ZNF426: variants seen among roughly 807,000 people sequenced by gnomAD.
The protein encoded by ZNF426 is CTC-543D15.7.
ZNF426 carries 23 observed loss-of-function variants against 24.0 expected under a neutral mutation model. The ratio of observed to expected loss-of-function variants is 0.96; its 90% CI spans 0.69 to 1.36. The LOEUF (loss-of-function observed/expected upper bound fraction) is 1.36, where lower values mean the gene tolerates loss of function less well. ZNF426 is among the 40% of genes most tolerant of loss of function. The pLI is 0.00. For missense variants in ZNF426, 646 were observed against 658.4 expected (o/e 0.98, Z 0.21); for synonymous variants, 272 against 224.6 (o/e 1.21, Z -1.89).
At position 9,529,474 on chromosome 19, in the gene ZNF426, A is replaced by G. The variant is rs765962743; in HGVS notation, c.571T>C (p.Ser191Pro). 1.2e-6 allele frequency: 2 copies of G among 1,614,012 alleles called. No individual in the cohort carries two copies. Among genetic ancestry groups the G allele is most frequent in the South Asian group, 2.2e-5 (2 of 91,078 alleles). ...KDFLTLCEKTSTGEKLSEFNQ... is the reference protein window; with the variant it reads ...KDFLTLCEKTPTGEKLSEFNQ... ...AACTCAGAAAGTTTCTCACCAGTAG[A>G]GGTTTTCTCACACAGGGTAAGGAAA... is the stretch of plus-strand genomic sequence containing the variant. The change falls in exon 8 of 8, where the codon TCT becomes CCT. Residue 191 changes from serine (S) to proline (P), a missense_variant. Ser to Pro is a moderately conservative substitution (Grantham distance 74). Transcript: ENST00000253115.
chr19:9,529,403 G>A lies in ZNF426; in HGVS notation c.642C>T (p.Tyr214=), dbSNP rs373788144. 75 of 1,613,730 alleles carry A rather than the reference G, an allele frequency of 4.6e-5. No individual in the cohort carries two copies. The highest frequency in any genetic ancestry group is 6.1e-5 in the Non-Finnish European group (72 of 1,179,964). ...KIFSLTPNIV[Y]QRTSTQEKSF... Reference sequence around the variant, plus strand: ...ACTTTTCTTGTGTGCTAGTTCTCTGGTATACAATATTTGGTGTCAGGCTGA... The same window carrying A: ...ACTTTTCTTGTGTGCTAGTTCTCTGATATACAATATTTGGTGTCAGGCTGA... Residue 214 remains tyrosine, a synonymous_variant, in exon 8 of 8, where the codon TAC becomes TAT. Coordinates refer to ENST00000253115, the MANE Select transcript of ZNF426 (RefSeq NM_024106.3).
intron 6 of ZNF426, among the ~76,000 whole-genome samples, chr19:9,532,119 C>G (rs971695014): frequency 1.3e-5 from 2 of 152,120 alleles, no homozygotes; most frequent in African/African-American, 4.8e-5. Context: ...CTGAGATGAC[C>G]GCTACGTGAC....
Position 9,529,538 on chromosome 19 carries a change from A to G in ZNF426, c.507T>C (p.Ser169=), listed in dbSNP as rs200163454. The G allele has an allele frequency of 1.2e-6, 2 of 1,612,148 alleles. No homozygotes were observed. Among genetic ancestry groups the G allele is most frequent in the Non-Finnish European group, 8.5e-7 (1 of 1,180,018 alleles). Residue 169 remains serine (S), a synonymous_variant, in exon 8 of 8, where the codon AGT becomes AGC. Coordinates refer to ENST00000253115, the MANE Select transcript of ZNF426 (RefSeq NM_024106.3). ...SCLKTHVRTQ[S]TGNTHDCNQY... ...GATTACAGTCATGAGTGTTCCCTGT[A>G]CTTTGAGTTCTCACGTGCGTCTTAA...
rs1002983930 is a variant in ZNF426, at chr19:9,527,174, A to G, written c.*1206T>C. The stretch of plus-strand genomic sequence containing the variant: ...ATGTGAAATATTTAAAGGTTATACC[A>G]TATTCCTTACCTTCCCAGGGTTCTG... On this transcript the variant is annotated 3_prime_UTR_variant, in exon 8 of 8. Coordinates refer to ENST00000253115, the MANE Select transcript of ZNF426 (RefSeq NM_024106.3). 11 of 152,216 alleles carry G rather than the reference A, an allele frequency of 7.2e-5. No individual in the cohort carries two copies. Among genetic ancestry groups the G allele is most frequent in the Admixed American group, 2.0e-4 (3 of 15,282 alleles). 9.4% of individuals were successfully genotyped at this position (152,216 alleles called of 1,614,324 possible).
chr19:9,528,701 G>A lies in ZNF426; in HGVS notation c.1344C>T (p.Tyr448=), dbSNP rs202178043. 195 of 1,613,898 alleles carry A rather than the reference G, an allele frequency of 1.2e-4. 1 individual carries two copies. The South Asian group carries it at 1.3e-3, about 11-fold the overall frequency. The change falls in exon 8 of 8, where the codon TAC becomes TAT. Residue 448 remains tyrosine, a synonymous_variant. Transcript: ENST00000253115. The part of the protein sequence containing the change: ...HMRTHSAQKP[Y]TCKECGKAFN... ...AAGCCTTCCCACATTCCTTACAGGT[G>A]TATGGTTTCTGGGCACTGTGCGTTC...
intron 3 of ZNF426, 57 bp downstream of exon 3, chr19:9,536,151 T>C (rs2073962019): frequency 6.2e-7 from 1 of 1,611,688 alleles, no homozygotes; most frequent in Non-Finnish European, 8.5e-7. Context: ...CACTAGACCC[T>C]ATATTGTGTA....
rs2073765227 is a variant in ZNF426, at chr19:9,523,791, T to G, written c.*4589A>C. ...TGAGAATCTAATGCCACTGCTGATCTGACAGAAAGTTGAGCTCAGGCAGTA... is the reference window on the plus strand; with the variant it reads ...TGAGAATCTAATGCCACTGCTGATCGGACAGAAAGTTGAGCTCAGGCAGTA... On this transcript the variant is annotated 3_prime_UTR_variant, in exon 8 of 8. Coordinates refer to ENST00000253115, the MANE Select transcript of ZNF426 (RefSeq NM_024106.3). The G allele has an allele frequency of 6.6e-6, 1 of 152,308 alleles. No homozygotes were observed. The highest frequency in any genetic ancestry group is 2.1e-4 in the South Asian group (1 of 4,836). The allele number at this position is 152,308 out of a possible 1,614,324, so 9.4% of individuals were successfully genotyped here.
chr19:9,537,451 CTTTTTTT>C (rs199870394), intron 2 of ZNF426, among the ~76,000 whole-genome samples: 65,710 of 137,780 alleles, frequency 0.48, 15,982 homozygotes, highest in Non-Finnish European at 0.56. Flanking sequence ...ATATTTAACT[CTTTTTTT>C]TTTTTTTTTT....
At chr19:9,534,524 A>G (rs1368488968) in intron 4 of ZNF426, among the ~76,000 whole-genome samples, 8 of 152,034 alleles carry the variant, frequency 5.3e-5, no homozygotes, top group Non-Finnish European at 4.4e-5. Context: ...TCTTATTTCC[A>G]TCTATTTGAG....
At chr19:9,536,958 C>T (rs1376755770) in intron 2 of ZNF426, among the ~76,000 whole-genome samples, 1 of 152,026 alleles carries the variant, frequency 6.6e-6, no homozygotes, top group Non-Finnish European at 1.5e-5. Context: ...CACGGTGAAA[C>T]TCCATCTCTA....
In ZNF426 at chr19:9,528,294, C is replaced by G; in HGVS notation, c.*86G>C. On this transcript the variant is annotated 3_prime_UTR_variant, in exon 8 of 8. Transcript: ENST00000253115. ...TTAAGTAATTTTCATGCAGCTTCTT[C>G]TCTCCAGAGTGAGTTCATTCATGTC... is the stretch of plus-strand genomic sequence containing the variant. The G allele has an allele frequency of 1.5e-6, 2 of 1,343,302 alleles. No individual in the cohort carries two copies. The highest frequency in any genetic ancestry group is 2.0e-6 in the Non-Finnish European group (2 of 984,788). The allele number at this position is 1,343,302 out of a possible 1,614,324, so 83.2% of individuals were successfully genotyped here.
In ZNF426 at chr19:9,530,762, C is replaced by T. The variant is rs571166388; in HGVS notation, c.408+223G>A. On this transcript the variant is annotated intron_variant, in intron 7 of 7. Coordinates refer to ENST00000253115, the MANE Select transcript of ZNF426 (RefSeq NM_024106.3). ...TGGGTGACAGAGCAGTATCTCGTTTCAAAAAAACACCAAAACAAAACTCAA... is the reference window on the plus strand; with the variant it reads ...TGGGTGACAGAGCAGTATCTCGTTTTAAAAAAACACCAAAACAAAACTCAA... Among the ~76,000 whole-genome samples, 11 of 151,888 alleles carry T rather than the reference C, an allele frequency of 7.2e-5. No homozygotes were observed. In the East Asian group the frequency reaches 2.1e-3, roughly 30 times the overall value.
chr19:9,527,609 T>C lies in ZNF426; in HGVS notation c.*771A>G, dbSNP rs1054999247. On this transcript the variant is annotated 3_prime_UTR_variant, in exon 8 of 8. Coordinates refer to ENST00000253115, the MANE Select transcript of ZNF426 (RefSeq NM_024106.3). The stretch of plus-strand genomic sequence containing the variant: ...AATGAAGGCTCTCCCACGTCTTACA[T>C]TCATATAGTTTCTCTCCAGTGTGGC... 1.3e-5 allele frequency: 2 copies of C among 152,286 alleles called. No homozygotes were observed. Among genetic ancestry groups the C allele is most frequent in the African/African-American group, 4.8e-5 (2 of 41,470 alleles). 9.4% of individuals were successfully genotyped at this position (152,286 alleles called of 1,614,324 possible).
chr19:9,536,202 G>T lies in ZNF426; in HGVS notation c.25+6C>A, dbSNP rs777669331. ...AGGATATCCTAAAAAGAGCAACAGAGCTTACCATGGGACAAATCAGCAGCT... is the reference window on the plus strand; with the variant it reads ...AGGATATCCTAAAAAGAGCAACAGATCTTACCATGGGACAAATCAGCAGCT... On this transcript the variant is annotated splice_donor_region_variant and intron_variant, in intron 3 of 7. Transcript: ENST00000253115. 3 of 1,614,128 alleles carry T rather than the reference G, an allele frequency of 1.9e-6. No homozygotes were observed.
chr19:9,534,004 C>T, intron 4 of ZNF426, 38 bp from the exon 5 acceptor site: 1 of 1,605,534 alleles, frequency 6.2e-7, no homozygotes, highest in Non-Finnish European at 8.5e-7. Context: ...AGCCAAGTAA[C>T]AAGCCCATCA....
At chr19:9,535,696 T>G (rs918042541) in intron 3 of ZNF426, among the ~76,000 whole-genome samples, 2 of 151,900 alleles carry the variant, frequency 1.3e-5, no homozygotes, top group Non-Finnish European at 2.9e-5. Context: ...CAGCCAGGCA[T>G]GGTGGCATGT....
In ZNF426 at chr19:9,525,785, C is replaced by A. The variant is rs530879917; in HGVS notation, c.*2595G>T. On this transcript the variant is annotated 3_prime_UTR_variant, in exon 8 of 8. Transcript: ENST00000253115. The stretch of plus-strand genomic sequence containing the variant: ...TACAGGGTTGAGCCACTGCGCCTAG[C>A]CTTTTATTTATTTATTTATTTTTTT... 6 of 151,170 alleles carry A rather than the reference C, an allele frequency of 4.0e-5. No individual in the cohort carries two copies. The highest frequency in any genetic ancestry group is 4.0e-4 in the Admixed American group (6 of 15,146). The allele number at this position is 151,170 out of a possible 1,614,324, so 9.4% of individuals were successfully genotyped here.
chr19:9,528,928 A>G lies in ZNF426; in HGVS notation c.1117T>C (p.Phe373Leu). 1 of 1,613,930 alleles carries G rather than the reference A, an allele frequency of 6.2e-7. No individual in the cohort carries two copies. Among genetic ancestry groups the G allele is most frequent in the Non-Finnish European group, 8.5e-7 (1 of 1,179,888 alleles). ...PYECKECGKSFLTSSRLIQHI... is the reference protein window; with the variant it reads ...PYECKECGKSLLTSSRLIQHI... ...TGAATAAGGCGTGAGGATGTAAGGA[A>G]GGATTTCCCACATTCCTTACATTCA... Residue 373 changes from phenylalanine (F) to leucine (L), a missense_variant, in exon 8 of 8, where the codon TTC becomes CTC. Physicochemically the swap from Phe to Leu is conservative, Grantham distance 22. Coordinates refer to ENST00000253115, the MANE Select transcript of ZNF426 (RefSeq NM_024106.3).
rs756465823 is a variant in ZNF426 at position 9,525,037 on chromosome 19, CAGG to C, written c.*3340_*3342del. 1.3e-5 allele frequency: 2 copies of C among 151,540 alleles called. No individual in the cohort carries two copies. The highest frequency in any genetic ancestry group is 2.4e-5 in the African/African-American group (1 of 41,330). The allele number at this position is 151,540 out of a possible 1,614,324, so 9.4% of individuals were successfully genotyped here. On this transcript the variant is annotated 3_prime_UTR_variant, in exon 8 of 8. Transcript: ENST00000253115. ...GGCCGAGGCGGGCGGATCACGAGGT[CAGG>C]AGATCGAGACCATCCTGGCTAACAC...
Sources: allele counts gnomAD v4.1 joint callset (sites outside exome capture counted in the v4.1 genomes callset), GRCh38; gene constraint gnomAD v4.1.1; transcripts MANE v1.5; gene names NCBI Gene and HGNC (gene_info 2026-07-23, HGNC 2026-07-21).